KRT33A: variants seen among roughly 807,000 people sequenced by gnomAD.
KRT33A encodes the protein keratin, type I cuticular Ha3-I.
KRT33A carries 44 observed loss-of-function variants against 41.1 expected under a neutral mutation model. The ratio of observed to expected loss-of-function variants is 1.07; its 90% CI spans 0.84 to 1.38. The LOEUF is 1.38. Ranked by LOEUF, KRT33A falls within the 40% of genes most tolerant of loss-of-function variation. The probability of loss-of-function intolerance (pLI) is 0.00; values close to 1 mark genes in which losing one functional copy is unlikely to be tolerated. For synonymous variants in KRT33A, 229 were observed against 227.8 expected, an observed-to-expected ratio of 1.01 and a Z score of -0.05; for missense variants, 536 against 518.5, an observed-to-expected ratio of 1.03 and a Z score of -0.33.
chr17:41,350,576 G>A lies in KRT33A; in HGVS notation c.192C>T (p.Asn64=), dbSNP rs144512034. The A allele has an allele frequency of 6.6e-5, 107 of 1,613,818 alleles. No homozygotes were observed. Among genetic ancestry groups the A allele is most frequent in the Middle Eastern group, 5.0e-4 (3 of 5,960 alleles). The part of the protein sequence containing the change: ...GSEKETMQFL[N]DRLASYLEKV... ...TCTCCAGGTAGCTGGCCAGGCGGTCGTTCAGGAACTGCATGGTCTCCTTCT... is the reference window on the plus strand; with the variant it reads ...TCTCCAGGTAGCTGGCCAGGCGGTCATTCAGGAACTGCATGGTCTCCTTCT... Residue 64 remains asparagine (N), a synonymous_variant, in exon 1 of 7, where the codon AAC becomes AAT. Coordinates refer to ENST00000007735, the MANE Select transcript of KRT33A (RefSeq NM_004138.4).
rs2017472925 is a variant in KRT33A, at chr17:41,349,427, A to G, written c.350T>C (p.Ile117Thr). 1 of 1,613,980 alleles carries G rather than the reference A, an allele frequency of 6.2e-7. No homozygotes were observed. Among genetic ancestry groups the G allele is most frequent in the Admixed American group, 1.7e-5 (1 of 59,986 alleles). The change falls in exon 2 of 7, where the codon ATC becomes ACC. Residue 117 changes from isoleucine to threonine, a missense_variant and splice_region_variant. Transcript: ENST00000007735. ...GGCATTCTCAGACTTGCTGCACAGG[A>G]TCTAGAAGGCCCAAAACATTCAAGA... ...FKTIEELQQK[I>T]LCSKSENARL...
chr17:41,348,542 C>A lies in KRT33A; in HGVS notation c.529G>T (p.Glu177Ter). The change falls in exon 3 of 7, where the codon GAG becomes TAG. Residue 177 changes from glutamate to a stop codon, truncating the protein, a stop_gained. Coordinates refer to ENST00000007735, the MANE Select transcript of KRT33A (RefSeq NM_004138.4). LOFTEE classifies it high-confidence loss of function. The part of the protein sequence containing the change: ...DELTLCRSDL[E>*]AQVESLKEEL... ...TCCTTCAGGGACTCCACCTGGGCCT[C>A]CAGGTCAGACCTGCACAGGGTCAGC... is the stretch of plus-strand genomic sequence containing the variant. 1 of 1,614,000 alleles carries A rather than the reference C, an allele frequency of 6.2e-7. No homozygotes were observed. The highest frequency in any genetic ancestry group is 8.5e-7 in the Non-Finnish European group (1 of 1,180,002).
intron 5 of KRT33A, 55 bp from the exon 6 acceptor site, chr17:41,346,723 A>G (rs2017426420): frequency 4.3e-6 from 7 of 1,610,846 alleles, no homozygotes; most frequent in Non-Finnish European, 5.9e-6. Flanking sequence ...AGGTTCCTCC[A>G]TGGGGTTCCA....
intron 1 of KRT33A, 62 bp from the exon 2 acceptor site, chr17:41,349,490 C>A: frequency 3.9e-6 from 6 of 1,545,832 alleles, no homozygotes; most frequent in African/African-American, 1.4e-5. Flanking sequence ...CAATGGCAGT[C>A]CTTCCTAATT....
At position 41,346,240 on chromosome 17, in the gene KRT33A, TG is replaced by T; in HGVS notation, c.1098-5del. 6.2e-7 allele frequency: 1 copy of T among 1,613,468 alleles called. No individual in the cohort carries two copies. The highest frequency in any genetic ancestry group is 8.5e-7 in the Non-Finnish European group (1 of 1,179,404). ...GGCGCAGGGGTTGGAGGGGAGCCTG[TG>T]GGCAGAAAATCATTGGAGCAAGTTA... On this transcript the variant is annotated splice_polypyrimidine_tract_variant and splice_region_variant and intron_variant, in intron 6 of 6. Coordinates refer to ENST00000007735, the MANE Select transcript of KRT33A (RefSeq NM_004138.4).
intron 5 of KRT33A, 69 bp downstream of exon 5, chr17:41,346,775 C>T: frequency 6.2e-7 from 1 of 1,608,790 alleles, no homozygotes; most frequent in Non-Finnish European, 8.5e-7. Context: ...GTGTGTGGCC[C>T]CAAGGGCATC....
At position 41,346,101 on chromosome 17, in the gene KRT33A, C is replaced by T. The variant is rs750331389; in HGVS notation, c.*18G>A. 1 of 1,548,126 alleles carries T rather than the reference C, an allele frequency of 6.5e-7. No homozygotes were observed. Among genetic ancestry groups the T allele is most frequent in the Admixed American group, 1.7e-5 (1 of 59,794 alleles). ...AGGTGTGACTGATGCCTTTCTTCTC[C>T]TCCTGGTTGTGGGGCCTCTAGTACC... On this transcript the variant is annotated 3_prime_UTR_variant, in exon 7 of 7. Coordinates refer to ENST00000007735, the MANE Select transcript of KRT33A (RefSeq NM_004138.4).
intron 2 of KRT33A, among the ~76,000 whole-genome samples, chr17:41,349,066 G>A (rs958626077): frequency 2.0e-5 from 3 of 152,144 alleles, no homozygotes; most frequent in Non-Finnish European, 4.4e-5. Context: ...CTCATGAATG[G>A]GTTCTGTGCA....
Position 41,347,180 on chromosome 17 carries a change from C to T in KRT33A, c.631G>A (p.Val211Met), listed in dbSNP as rs768053621. The T allele has an allele frequency of 3.1e-6, 5 of 1,613,752 alleles. No individual in the cohort carries two copies. Among genetic ancestry groups the T allele is most frequent in the East Asian group, 2.2e-5 (1 of 44,882 alleles). Residue 211 changes from valine to methionine, a missense_variant, in exon 4 of 7, where the codon GTG becomes ATG. Physicochemically the swap from Val to Met is conservative, Grantham distance 21 (BLOSUM62 1). Transcript: ENST00000007735. ...ACAGTGGGAGCAGCGTCCACCTCCA[C>T]GTTGAGGCGGTCTCCAAGCTGGCAG... is the stretch of plus-strand genomic sequence containing the variant. ...LRCQLGDRLN[V>M]EVDAAPTVDL...
intron 3 of KRT33A, among the ~76,000 whole-genome samples, 179 bp downstream of exon 3, chr17:41,348,304 G>GA (rs1023653191): frequency 1.3e-5 from 2 of 152,216 alleles, no homozygotes; most frequent in African/African-American, 4.8e-5. Context: ...GCCTCTGGCA[G>GA]AAAAATCCTA....
Position 41,348,748 on chromosome 17 carries a change from T to C in KRT33A, c.432-109A>G, listed in dbSNP as rs1265707544. 6.1e-6 allele frequency: 7 copies of C among 1,155,218 alleles called. No individual in the cohort carries two copies. The African/African-American group carries it at 7.7e-5, about 13-fold the overall frequency. The allele number at this position is 1,155,218 out of a possible 1,614,324, so 71.6% of individuals were successfully genotyped here. On this transcript the variant is annotated intron_variant, in intron 2 of 6. Transcript: ENST00000007735. ...TAGGAATTAGGGTTTGTAGTTTTTATAGCCATCTCTTTTGTTTAGGTTTTC... is the reference window on the plus strand; with the variant it reads ...TAGGAATTAGGGTTTGTAGTTTTTACAGCCATCTCTTTTGTTTAGGTTTTC...
Position 41,347,092 on chromosome 17 carries a change from C to A in KRT33A, c.719G>T (p.Arg240Leu), listed in dbSNP as rs151076240. 2 of 1,614,000 alleles carry A rather than the reference C, an allele frequency of 1.2e-6. No individual in the cohort carries two copies. Among genetic ancestry groups the A allele is most frequent in the African/African-American group, 2.7e-5 (2 of 75,026 alleles). The change falls in exon 4 of 7, where the codon CGC becomes CTC. Residue 240 changes from arginine to leucine, a missense_variant. Coordinates refer to ENST00000007735, the MANE Select transcript of KRT33A (RefSeq NM_004138.4). Reference sequence around the variant, plus strand: ...GGCGAACCATTGCTCCACTTCCCTGCGGTTGGTTTCCACCAGGGCCTCATA... The same window carrying A: ...GGCGAACCATTGCTCCACTTCCCTGAGGTTGGTTTCCACCAGGGCCTCATA... ...SQYEALVETN[R>L]REVEQWFATQ... is the part of the protein sequence containing the mutation.
intron 2 of KRT33A, 42 bp from the exon 3 acceptor site, chr17:41,348,681 G>A (rs1480043262): frequency 1.2e-5 from 20 of 1,606,522 alleles, no homozygotes; most frequent in East Asian, 2.2e-5. Flanking sequence ...GGCAGGAATA[G>A]GCCTGGCCTT....
chr17:41,349,863 A>G (rs2017480013), intron 1 of KRT33A, among the ~76,000 whole-genome samples: 2 of 152,038 alleles, frequency 1.3e-5, no homozygotes, highest in Non-Finnish European at 2.9e-5. Context: ...GATGTCCCAG[A>G]CAACTGGGAC....
rs1271832067 is a variant in KRT33A, at chr17:41,347,165, C to A, written c.646G>T (p.Ala216Ser). Residue 216 changes from alanine to serine, a missense_variant, in exon 4 of 7, where the codon GCT becomes TCT. By Grantham distance (99) the Ala-to-Ser change is moderately conservative. Coordinates refer to ENST00000007735, the MANE Select transcript of KRT33A (RefSeq NM_004138.4). Reference protein sequence around the residue: ...GDRLNVEVDAAPTVDLNQVLN... With the variant: ...GDRLNVEVDASPTVDLNQVLN... ...ACCTGGTTCAGGTCCACAGTGGGAG[C>A]AGCGTCCACCTCCACGTTGAGGCGG... is the stretch of plus-strand genomic sequence containing the variant. 10 of 1,614,076 alleles carry A rather than the reference C, an allele frequency of 6.2e-6. No individual in the cohort carries two copies. Among genetic ancestry groups the A allele is most frequent in the African/African-American group, 1.3e-5 (1 of 74,922 alleles).
chr17:41,347,385 C>A (rs563973197), intron 3 of KRT33A, among the ~76,000 whole-genome samples, 163 bp from the exon 4 acceptor site: 1 of 152,332 alleles, frequency 6.6e-6, no homozygotes, highest in Non-Finnish European at 1.5e-5. Context: ...TTTGTATACT[C>A]CACTTTTTAC....
rs1567666399 is a variant in KRT33A at position 41,350,695 on chromosome 17, TG to T, written c.72del (p.Ser25AlafsTer17). 1 of 1,612,046 alleles carries T rather than the reference TG, an allele frequency of 6.2e-7. No homozygotes were observed. The highest frequency in any genetic ancestry group is 1.1e-5 in the South Asian group (1 of 91,018). On this transcript the variant is annotated frameshift_variant, in exon 1 of 7. Coordinates refer to ENST00000007735, the MANE Select transcript of KRT33A (RefSeq NM_004138.4). LOFTEE classifies it high-confidence loss of function. ...TSCSSRPCVP[P>X]SCHGCTLPGA... ...CCGGGCAGGGTGCAGCCGTGGCAGC[TG>T]GGGGGCACACAGGGCCGGGAGGAGC...
At position 41,349,383 on chromosome 17, in the gene KRT33A, C is replaced by T. The variant is rs776380330; in HGVS notation, c.394G>A (p.Asp132Asn). The change falls in exon 2 of 7, where the codon GAC becomes AAC. Residue 132 changes from aspartate (D) to asparagine (N), a missense_variant. Asp to Asn is a conservative substitution (Grantham distance 23). Coordinates refer to ENST00000007735, the MANE Select transcript of KRT33A (RefSeq NM_004138.4). ...SENARLVVQI[D>N]NAKLASDDFR... The stretch of plus-strand genomic sequence containing the variant: ...TCATCTGAGGCCAGCTTGGCATTGT[C>T]GATCTGCACCACAAGCCTGGCATTC... 6.2e-6 allele frequency: 10 copies of T among 1,613,880 alleles called. No individual in the cohort carries two copies. The highest frequency in any genetic ancestry group is 2.2e-5 in the East Asian group (1 of 44,856).
At chr17:41,348,679 T>C in intron 2 of KRT33A, 40 bp from the exon 3 acceptor site, 2 of 1,610,068 alleles carry the variant, frequency 1.2e-6, no homozygotes, top group Non-Finnish European at 1.7e-6. Context: ...TGGGCAGGAA[T>C]AGGCCTGGCC....
Sources: allele counts gnomAD v4.1 joint callset (sites outside exome capture counted in the v4.1 genomes callset), GRCh38; gene constraint gnomAD v4.1.1; transcripts MANE v1.5; gene names NCBI Gene and HGNC (gene_info 2026-07-23, HGNC 2026-07-21).